The following FBXO32 variants were observed in gnomAD, a reference collection of about 807,000 sequenced individuals.
FBXO32 encodes the protein F-box protein 32.
In FBXO32, 15 loss-of-function variants were observed where a neutral mutation model predicts 48.3. That is an observed-to-expected ratio of 0.31 (90% confidence interval 0.21 to 0.48). FBXO32 has a LOEUF of 0.48. FBXO32 is among the 20% of genes least tolerant of loss of function. The pLI, the probability that FBXO32 is intolerant of heterozygous loss-of-function variation, is 0.99. For missense variants in FBXO32, 309 were observed against 432.7 expected, an observed-to-expected ratio of 0.71 and a Z score of 2.54; for synonymous variants, 154 against 165.9, an observed-to-expected ratio of 0.93 and a Z score of 0.55.
chr8:123,519,659 G>C (rs1046140735), intron 4 of FBXO32, among the ~76,000 whole-genome samples: 9 of 152,006 alleles, frequency 5.9e-5, no homozygotes, highest in African/African-American at 1.9e-4. Flanking sequence ...AGCACATTTA[G>C]GATGAGGCAA....
At position 123,540,934 on chromosome 8, in the gene FBXO32, A is replaced by C. The variant is rs1817398171; in HGVS notation, c.81T>G (p.Asp27Glu). The change falls in exon 1 of 9, where the codon GAT (aspartate) becomes GAG (glutamate). Residue 27 changes from aspartate (D) to glutamate (E), a missense_variant. Asp to Glu is a conservative substitution (Grantham distance 45). Coordinates refer to ENST00000517956, the MANE Select transcript of FBXO32 (RefSeq NM_058229.4). This position sits in a 1 kb window ranked among gnomAD's most constrained non-coding sequence, Gnocchi z 6.4. ...CGCTCACGAAACTGCCGCTCTTCTC[A>C]TCCAGGAAGCGCTTCCAGCCGTCGG... ...KTADGWKRFLDEKSGSFVSDL... is the reference protein window; with the variant it reads ...KTADGWKRFLEEKSGSFVSDL... 3.7e-6 allele frequency: 6 copies of C among 1,613,424 alleles called. No individual in the cohort carries two copies.
Position 123,534,794 on chromosome 8 carries a change from T to C in FBXO32, c.137A>G (p.Tyr46Cys). 6.2e-7 allele frequency: 1 copy of C among 1,611,998 alleles called. No homozygotes were observed. The highest frequency in any genetic ancestry group is 8.5e-7 in the Non-Finnish European group (1 of 1,178,358). Residue 46 changes from tyrosine (Y) to cysteine (C), a missense_variant, in exon 2 of 9, where the codon TAC becomes TGC. Coordinates refer to ENST00000517956, the MANE Select transcript of FBXO32 (RefSeq NM_058229.4). ...GCTGTTGAAAAGATTCTCCTTATTG[T>C]ATACCTCCTTGTTGCAGTAACTATG... ...DLSSYCNKEVYNKENLFNSLN... is the reference protein window; with the variant it reads ...DLSSYCNKEVCNKENLFNSLN...
intron 4 of FBXO32, among the ~76,000 whole-genome samples, chr8:123,515,718 G>A (rs941876786): frequency 2.0e-5 from 3 of 152,090 alleles, no homozygotes; most frequent in African/African-American, 7.2e-5. Flanking sequence ...TAAAGGCCAG[G>A]TGCGGTGGCT....
At chr8:123,517,952 T>A (rs1816872910) in intron 4 of FBXO32, among the ~76,000 whole-genome samples, 1 of 152,132 alleles carries the variant, frequency 6.6e-6, no homozygotes, top group Non-Finnish European at 1.5e-5. Flanking sequence ...AAACAGTAGG[T>A]GTTTTAAGGT....
chr8:123,540,816 C>A lies in FBXO32; in HGVS notation c.116+83G>T, dbSNP rs897956926. ...CCTCAGCCCGCTCCAGCCCTGCCTG[C>A]CCCTCATTCGCCGTCCCTGCGCCCC... On this transcript the variant is annotated intron_variant, in intron 1 of 8. Transcript: ENST00000517956. The surrounding 1 kb of genome is among the most constrained non-coding windows in gnomAD (Gnocchi z 6.4). 31 of 1,169,594 alleles carry A rather than the reference C, an allele frequency of 2.7e-5. No homozygotes were observed. Among genetic ancestry groups the A allele is most frequent in the Non-Finnish European group, 3.6e-5 (29 of 806,448 alleles). 72.5% of individuals were successfully genotyped at this position (1,169,594 alleles called of 1,614,324 possible).
rs755467076 is a variant in FBXO32 at position 123,541,051 on chromosome 8, G to A, written c.-37C>T. ...CGGACTAGACGGATGGGGAGACGGG[G>A]CCGGCCTGGTGGGCTCGGGGACGTG... On this transcript the variant is annotated 5_prime_UTR_variant, in exon 1 of 9. Transcript: ENST00000517956. 14 of 1,464,892 alleles carry A rather than the reference G, an allele frequency of 9.6e-6. No homozygotes were observed. In the Admixed American group the frequency reaches 2.0e-4, roughly 21 times the overall value. 90.7% of individuals were successfully genotyped at this position (1,464,892 alleles called of 1,614,324 possible).
chr8:123,506,487 C>A lies in FBXO32; in HGVS notation c.739G>T (p.Val247Phe), dbSNP rs748805905. ...MQRLSDGRDLVSLGQAAPDLH... is the reference protein window; with the variant it reads ...MQRLSDGRDLFSLGQAAPDLH... ...TCGGGGGCAGCCTGGCCCAGGCTGA[C>A]CAGGTCCCGCCCGTCGCTCAGCCTC... The change falls in exon 7 of 9, where the codon GTC becomes TTC. Residue 247 changes from valine to phenylalanine, a missense_variant. Val to Phe is a conservative substitution (Grantham distance 50, BLOSUM62 -1). Coordinates refer to ENST00000517956, the MANE Select transcript of FBXO32 (RefSeq NM_058229.4). The surrounding 1 kb of genome is among the most constrained non-coding windows in gnomAD (Gnocchi z 4.0). 2 of 1,614,078 alleles carry A rather than the reference C, an allele frequency of 1.2e-6. No homozygotes were observed. The highest frequency in any genetic ancestry group is 1.7e-6 in the Non-Finnish European group (2 of 1,179,974).
rs556840456 is a variant in FBXO32, at chr8:123,514,085, G to A, written c.466+155C>T. 7.1e-5 allele frequency: 42 copies of A among 594,102 alleles called. 1 individual carries two copies. Among genetic ancestry groups the A allele is most frequent in the Non-Finnish European group, 1.1e-4 (36 of 340,980 alleles). The allele number at this position is 594,102 out of a possible 1,614,324, so 36.8% of individuals were successfully genotyped here. On this transcript the variant is annotated intron_variant, in intron 5 of 8. Coordinates refer to ENST00000517956, the MANE Select transcript of FBXO32 (RefSeq NM_058229.4). ...ATGAGGATGAGTTGTACCCCTTTCC[G>A]AACTGGAATTTAGTGTCTCTAAAAT...
chr8:123,532,280 G>A (rs943957809), intron 3 of FBXO32: 1 of 885,370 alleles, frequency 1.1e-6, no homozygotes, highest in Non-Finnish European at 1.5e-6. Flanking sequence ...TATTAGTCTG[G>A]AAAAATCATA....
At chr8:123,524,444 A>G (rs1014954427) in intron 4 of FBXO32, among the ~76,000 whole-genome samples, 1 of 152,174 alleles carries the variant, frequency 6.6e-6, no homozygotes, top group Admixed American at 6.5e-5. Context: ...AAAGTTAATG[A>G]CCCCAGTACC....
intron 4 of FBXO32, among the ~76,000 whole-genome samples, chr8:123,523,122 C>G (rs1816995824): frequency 6.6e-6 from 1 of 152,198 alleles, no homozygotes; most frequent in Admixed American, 6.5e-5. Context: ...ATGAGGCCTT[C>G]AGATTCTGGG....
At chr8:123,524,167 A>G (rs544415966) in intron 4 of FBXO32, among the ~76,000 whole-genome samples, 1 of 152,180 alleles carries the variant, frequency 6.6e-6, no homozygotes, top group South Asian at 2.1e-4. Context: ...ACTTCTTCAA[A>G]TACCCTACTA....
chr8:123,504,567 G>C (rs1377557794), intron 8 of FBXO32, 37 bp downstream of exon 8: 1 of 1,595,794 alleles, frequency 6.3e-7, no homozygotes, highest in Non-Finnish European at 8.5e-7. Context: ...TAGGGGCTGG[G>C]CTGGGGGTCT....
chr8:123,508,419 T>C (rs1481102269), intron 6 of FBXO32, among the ~76,000 whole-genome samples: 2 of 152,200 alleles, frequency 1.3e-5, no homozygotes, highest in African/African-American at 4.8e-5. Context: ...GCAACATGGA[T>C]GGACAGGCAG....
At chr8:123,526,988 G>A (rs1477236378) in intron 4 of FBXO32, 2 of 152,180 alleles carry the variant, frequency 1.3e-5, no homozygotes, top group Non-Finnish European at 2.9e-5. Flanking sequence ...TATCTAATGA[G>A]TGAGCGTAGC....
chr8:123,506,509 C>T lies in FBXO32; in HGVS notation c.717G>A (p.Arg239=). The change falls in exon 7 of 9, where the codon AGG becomes AGA. Residue 239 remains arginine (R), a synonymous_variant. Transcript: ENST00000517956. This position sits in a 1 kb window ranked among gnomAD's most constrained non-coding sequence, Gnocchi z 4.0. ...TGACCAGGTCCCGCCCGTCGCTCAG[C>T]CTCTGCATGATGTTCAGTTGTAGGC... ...PLCLQLNIMQ[R]LSDGRDLVSL... is the part of the protein sequence containing the mutation. 2 of 1,613,810 alleles carry T rather than the reference C, an allele frequency of 1.2e-6. No homozygotes were observed. The highest frequency in any genetic ancestry group is 1.7e-6 in the Non-Finnish European group (2 of 1,179,858).
chr8:123,507,049 C>CG (rs1327043499), intron 6 of FBXO32, among the ~76,000 whole-genome samples: 1 of 152,132 alleles, frequency 6.6e-6, no homozygotes, highest in Non-Finnish European at 1.5e-5. Context: ...AATGCCTTCG[C>CG]CTCCCCAGTC....
intron 6 of FBXO32, among the ~76,000 whole-genome samples, chr8:123,507,438 GGTGTGTGTGTGTGT>G (rs200031056): frequency 1.0e-4 from 14 of 139,800 alleles, no homozygotes; most frequent in African/African-American, 1.6e-4. Context: ...TCTGTGCTAG[GGTGTGTGTGTGTGT>G]GTGTGTGTGT....
At chr8:123,503,523 C>A in intron 8 of FBXO32, 61 bp from the exon 9 acceptor site, 1 of 1,363,724 alleles carries the variant, frequency 7.3e-7, no homozygotes. Context: ...CTTTTAGCAC[C>A]ATAAGGCATT....
Sources: gnomAD v4.1 joint callset for allele counts (sites outside exome capture counted in the v4.1 genomes callset) on GRCh38, gnomAD v4.1.1 for gene constraint, Gnocchi (gnomAD v3.1) non-coding constraint, MANE v1.5 for transcripts, NCBI Gene and HGNC (gene_info 2026-07-23, HGNC 2026-07-21) for gene names.